IFT81: variants seen among roughly 807,000 people sequenced by gnomAD.
The protein encoded by IFT81 is intraflagellar transport 81.
In IFT81, 72 loss-of-function variants were observed where a neutral mutation model predicts 102.6. The ratio of observed to expected loss-of-function variants is 0.70; its 90% CI spans 0.58 to 0.85. IFT81 has a LOEUF of 0.85. Among genes scored for constraint, IFT81 ranks in the 40% least tolerant of loss-of-function variants. The probability of loss-of-function intolerance (pLI) is 0.00; values close to 1 mark genes in which losing one functional copy is unlikely to be tolerated. For synonymous variants in IFT81, 237 were observed against 242.7 expected (o/e 0.98, Z 0.22); for missense variants, 723 against 787.3 (o/e 0.92, Z 0.98).
chr12:110,168,491 T>TA (rs1896559180), intron 11 of IFT81: 1 of 961,196 alleles, frequency 1.0e-6, no homozygotes, highest in Non-Finnish European at 1.2e-6. Context: ...AACGCAGCTT[T>TA]AAAAAATGCA....
At chr12:110,193,881 T>G (rs1897897021) in intron 14 of IFT81, among the ~76,000 whole-genome samples, 1 of 152,160 alleles carries the variant, frequency 6.6e-6, no homozygotes, top group Non-Finnish European at 1.5e-5. Flanking sequence ...TGAGACTAAG[T>G]AATTTCTAAA....
In IFT81 at chr12:110,208,898, G is replaced by A. The variant is rs79476963; in HGVS notation, c.1803-273G>A. ...CAGATGGGTTGCCATTGTTTTGAGG[G>A]TAGATTAACCAGAAATAGTATTTAA... On this transcript the variant is annotated intron_variant, in intron 17 of 18. Coordinates refer to ENST00000242591, the MANE Select transcript of IFT81 (RefSeq NM_014055.4). Among the ~76,000 whole-genome samples the A allele has an allele frequency of 0.022, 3,396 of 152,184 alleles. 130 individuals carry two copies. The highest frequency in any genetic ancestry group is 0.077 in the African/African-American group (3,187 of 41,518).
intron 14 of IFT81, among the ~76,000 whole-genome samples, chr12:110,194,879 A>G: frequency 6.6e-6 from 1 of 152,134 alleles, no homozygotes. Flanking sequence ...TTTTTTCAGG[A>G]CGTGGGAGGA....
At chr12:110,182,964 A>G (rs976740453) in intron 12 of IFT81, among the ~76,000 whole-genome samples, 1 of 152,186 alleles carries the variant, frequency 6.6e-6, no homozygotes, top group Admixed American at 6.5e-5. Context: ...TTTAAGGTGT[A>G]CACCCCATCC....
chr12:110,189,356 A>T (rs1170776842), intron 12 of IFT81, among the ~76,000 whole-genome samples: 1 of 151,396 alleles, frequency 6.6e-6, no homozygotes, highest in Non-Finnish European at 1.5e-5. Flanking sequence ...TTATTTATTT[A>T]TTTATTTTTT....
At chr12:110,171,555 G>A (rs967051712) in intron 11 of IFT81, among the ~76,000 whole-genome samples, 7 of 152,164 alleles carry the variant, frequency 4.6e-5, no homozygotes, top group Non-Finnish European at 1.0e-4. Context: ...GACTTGGTGA[G>A]ATTTTCTAAT....
intron 11 of IFT81, among the ~76,000 whole-genome samples, chr12:110,175,831 T>G (rs892467821): frequency 6.6e-6 from 1 of 152,220 alleles, no homozygotes; most frequent in Non-Finnish European, 1.5e-5. Flanking sequence ...TTTATTTATT[T>G]TTAGACAGAG....
At position 110,167,872 on chromosome 12, in the gene IFT81, G is replaced by T. The variant is rs1388438143; in HGVS notation, c.1188+4807G>T. The T allele has an allele frequency of 3.7e-5, 9 of 245,624 alleles. No individual in the cohort carries two copies. The East Asian group carries it at 1.0e-3, about 28-fold the overall frequency. 15.2% of individuals were successfully genotyped at this position (245,624 alleles called of 1,614,324 possible). A position where few individuals can be genotyped will look rare whatever the true frequency, so the allele number is the denominator to read the frequency against. On this transcript the variant is annotated intron_variant, in intron 11 of 18. Coordinates refer to ENST00000242591, the MANE Select transcript of IFT81 (RefSeq NM_014055.4). ...CTTTTTTTTTTTTTTTTTCCCCAGA[G>T]ACAGGATCTCACTCTGTCACCCAGG...
At chr12:110,160,790 C>T (rs1343931723) in intron 10 of IFT81, among the ~76,000 whole-genome samples, 1 of 152,148 alleles carries the variant, frequency 6.6e-6, no homozygotes, top group East Asian at 1.9e-4. Flanking sequence ...TCTATGAAAG[C>T]TATTGATTTG....
intron 4 of IFT81, 134 bp downstream of exon 4, chr12:110,129,264 A>G: frequency 1.6e-6 from 1 of 617,260 alleles, no homozygotes; most frequent in Non-Finnish European, 2.7e-6. Flanking sequence ...TGTATCAGCT[A>G]ATGTTCAACT....
intron 7 of IFT81, among the ~76,000 whole-genome samples, chr12:110,136,262 G>A (rs1399663207): frequency 6.6e-6 from 1 of 152,176 alleles, no homozygotes; most frequent in African/African-American, 2.4e-5. Flanking sequence ...TAAAATCTGA[G>A]TAGACTTATA....
intron 10 of IFT81, among the ~76,000 whole-genome samples, chr12:110,161,427 C>T (rs925227943): frequency 2.4e-4 from 36 of 150,758 alleles, no homozygotes; most frequent in African/African-American, 8.3e-4. Context: ...GTATTACAGG[C>T]GTGAGCCACC....
At chr12:110,134,790 A>G (rs948775774) in intron 5 of IFT81, among the ~76,000 whole-genome samples, 158 bp from the exon 6 acceptor site, 6 of 152,172 alleles carry the variant, frequency 3.9e-5, no homozygotes, top group African/African-American at 9.7e-5. Context: ...GCCCTGGGGG[A>G]AAAATAGAAA....
chr12:110,204,781 G>A (rs1346477848), intron 15 of IFT81: 1 of 152,248 alleles, frequency 6.6e-6, no homozygotes, highest in Non-Finnish European at 1.5e-5. Flanking sequence ...TCTACTGATG[G>A]ATTTCCTTCA....
At chr12:110,195,598 C>G (rs952423433) in intron 14 of IFT81, among the ~76,000 whole-genome samples, 1 of 152,154 alleles carries the variant, frequency 6.6e-6, no homozygotes, top group Non-Finnish European at 1.5e-5. Flanking sequence ...TATCTTGTCA[C>G]TGCATATAAC....
chr12:110,154,900 T>C (rs1895753863), intron 10 of IFT81, among the ~76,000 whole-genome samples: 1 of 151,514 alleles, frequency 6.6e-6, no homozygotes, highest in African/African-American at 2.4e-5. Context: ...TCTAGTTGAT[T>C]TATTTTGTTG....
chr12:110,204,104 T>G (rs1367723201), intron 15 of IFT81, 154 bp downstream of exon 15: 2 of 573,424 alleles, frequency 3.5e-6, no homozygotes, highest in Non-Finnish European at 6.2e-6. Context: ...CATTCTAGCC[T>G]GGGCCACAGA....
chr12:110,149,456 C>T (rs889215728), intron 10 of IFT81, among the ~76,000 whole-genome samples: 3 of 152,116 alleles, frequency 2.0e-5, no homozygotes, highest in African/African-American at 7.2e-5. Context: ...CATCCATAGG[C>T]GGCTTGTGTT....
chr12:110,143,329 TA>T (rs763536755), intron 8 of IFT81, 52 bp from the exon 9 acceptor site: 88 of 1,072,216 alleles, frequency 8.2e-5, no homozygotes, highest in Non-Finnish European at 1.0e-4. Flanking sequence ...GTATACAGAA[TA>T]TCACTGTACC....
Sources: allele counts gnomAD v4.1 joint callset (sites outside exome capture counted in the v4.1 genomes callset), GRCh38; gene constraint gnomAD v4.1.1; transcripts MANE v1.5; gene names NCBI Gene and HGNC (gene_info 2026-07-23, HGNC 2026-07-21).